Variants in POLR1C observed in about 807,000 individuals in gnomAD.
POLR1C encodes the protein DNA-directed RNA polymerases I and III subunit RPAC1.
POLR1C carries 42 observed loss-of-function variants against 38.3 expected under a neutral mutation model. That is an observed-to-expected ratio of 1.10 (90% CI 0.86 to 1.42). The LOEUF (loss-of-function observed/expected upper bound fraction) is 1.42. Among genes scored for constraint, POLR1C ranks in the 40% most tolerant of loss-of-function variants. POLR1C has a pLI of 0.00. For missense variants in POLR1C, 507 were observed against 450.5 expected (o/e 1.13, Z -1.14); for synonymous variants, 163 against 163.9 (o/e 0.99, Z 0.04).
downstream of POLR1C, chr6:43,525,477 AAGG>A (rs566814909): frequency 2.0e-4 from 105 of 514,138 alleles, no homozygotes; most frequent in Non-Finnish European, 3.2e-4. Context: ...GGAAAAATAA[AAGG>A]AGTTTACTTC....
At chr6:43,553,510 AACACACACACACACATACACAC>A (rs748740333) in intron 10 of POLR1C, 38 of 1,503,560 alleles carry the variant, frequency 2.5e-5, no homozygotes, top group African/African-American at 1.9e-4. Flanking sequence ...CAAGCTTTAA[AACACACACACACACATACACAC>A]ACACACACAC....
At chr6:43,524,510 T>G (rs1179745283), downstream of POLR1C, 3 of 1,613,902 alleles carry the variant, frequency 1.9e-6, no homozygotes, top group Non-Finnish European at 1.7e-6. Flanking sequence ...ATTGGTCCTT[T>G]CGGCGCTTGT....
At chr6:43,543,958 T>A (rs1325469961) in intron 9 of POLR1C, among the ~76,000 whole-genome samples, 1 of 152,216 alleles carries the variant, frequency 6.6e-6, no homozygotes, top group African/African-American at 2.4e-5. Flanking sequence ...ATTATAGGCA[T>A]GAGCTACCGC....
downstream of POLR1C, chr6:43,526,321 A>C (rs370687353): frequency 1.9e-5 from 7 of 369,836 alleles, no homozygotes; most frequent in African/African-American, 1.2e-4. Flanking sequence ...ATAAAAACAT[A>C]ATGTTGGGTA....
At chr6:43,545,507 G>C (rs1267324153) in intron 9 of POLR1C, among the ~76,000 whole-genome samples, 4 of 152,056 alleles carry the variant, frequency 2.6e-5, no homozygotes, top group Non-Finnish European at 5.9e-5. Flanking sequence ...AGGAGTTCGA[G>C]ACCAGCCTGG....
exon 11 of POLR1C, chr6:43,561,406 TCTCA>T (rs1171469492): frequency 6.1e-6 from 1 of 164,194 alleles, no homozygotes; most frequent in African/African-American, 2.4e-5. Context: ...TTAGATGGAG[TCTCA>T]CTCTGTTGCT....
chr6:43,540,963 C>T (rs1410012504), intron 9 of POLR1C, among the ~76,000 whole-genome samples: 1 of 151,786 alleles, frequency 6.6e-6, no homozygotes, highest in East Asian at 1.9e-4. Context: ...ATATGGATAG[C>T]ACTGGAGGTC....
At chr6:43,552,088 T>C (rs1026604384) in intron 10 of POLR1C, among the ~76,000 whole-genome samples, 1 of 152,202 alleles carries the variant, frequency 6.6e-6, no homozygotes, top group African/African-American at 2.4e-5. Context: ...ACTTTATTTA[T>C]ATATCACTCT....
chr6:43,524,477 G>A, downstream of POLR1C: 1 of 1,613,362 alleles, frequency 6.2e-7, no homozygotes, highest in Non-Finnish European at 8.5e-7. Context: ...CTACCCCAAT[G>A]CAACCAGCAA....
At chr6:43,561,373 G>T in intron 10 of POLR1C, 2 of 169,898 alleles carry the variant, frequency 1.2e-5, no homozygotes, top group Non-Finnish European at 2.5e-5. Context: ...CCCTTCAATA[G>T]TTTCTTTTCT....
chr6:43,533,212 CTA>C (rs1794099023), downstream of POLR1C: 1 of 84,332 alleles, frequency 1.2e-5, no homozygotes, highest in Non-Finnish European at 2.4e-5. Flanking sequence ...TGATACCTAT[CTA>C]CACACACACA....
intron 9 of POLR1C, among the ~76,000 whole-genome samples, chr6:43,543,053 G>A (rs1239742424): frequency 6.6e-6 from 1 of 152,192 alleles, no homozygotes; most frequent in Non-Finnish European, 1.5e-5. Flanking sequence ...GTACATTCAT[G>A]CAGTAACATG....
chr6:43,555,872 G>C (rs1294565068), intron 10 of POLR1C: 1 of 1,613,944 alleles, frequency 6.2e-7, no homozygotes, highest in Non-Finnish European at 8.5e-7. Flanking sequence ...GTTGATAGTT[G>C]ATACTTTAGC....
At chr6:43,521,649 G>C (rs921602898), downstream of POLR1C, 5 of 357,496 alleles carry the variant, frequency 1.4e-5, no homozygotes, top group Non-Finnish European at 2.6e-5. Context: ...TGAGGCAAGA[G>C]TAGCTGATGC....
chr6:43,528,244 A>G, intron 8 of POLR1C: 1 of 1,553,320 alleles, frequency 6.4e-7, no homozygotes, highest in African/African-American at 1.4e-5. Flanking sequence ...AGAATTGGGG[A>G]AAGGATTGGA....
intron 10 of POLR1C, chr6:43,556,200 AAACTT>A (rs1274877410): frequency 6.8e-6 from 3 of 441,876 alleles, no homozygotes; most frequent in Admixed American, 3.8e-5. Context: ...GTGGCAAACT[AAACTT>A]AGTCTCCCAT....
At position 43,547,678 on chromosome 6, in the gene POLR1C, G is replaced by A. The variant is rs202182348; in HGVS notation, c.*5-3290G>A. ...GCTCTTCTGATCTGTACCCACATAC[G>A]CAATGAAAGCATCAACATCTGACAG... On this transcript the variant is annotated intron_variant, in intron 9 of 10. Transcript: ENST00000607635. 2.3e-4 allele frequency: 368 copies of A among 1,613,898 alleles called. 1 individual carries two copies. Among genetic ancestry groups the A allele is most frequent in the Non-Finnish European group, 2.6e-4 (310 of 1,179,872 alleles).
intron 8 of POLR1C, chr6:43,528,095 CT>C: frequency 2.0e-6 from 3 of 1,518,592 alleles, no homozygotes; most frequent in Admixed American, 4.0e-5. Flanking sequence ...TGCCCGCTTC[CT>C]TTTCCCACCC....
chr6:43,542,227 T>C (rs77288819), intron 9 of POLR1C, among the ~76,000 whole-genome samples: 5,539 of 152,248 alleles, frequency 0.036, 348 homozygotes, highest in African/African-American at 0.13. Context: ...CTGAAAGTAC[T>C]GTAACACTTG....
Sources: allele counts gnomAD v4.1 joint callset (sites outside exome capture counted in the v4.1 genomes callset), GRCh38; gene constraint gnomAD v4.1.1; transcripts MANE v1.5; gene names NCBI Gene and HGNC (gene_info 2026-07-23, HGNC 2026-07-21).